The following SCUBE2 variants were observed in gnomAD, a reference collection of about 807,000 sequenced individuals.
SCUBE2 encodes signal peptide, CUB and EGF-like domain-containing protein 2.
A neutral mutation model predicts 125.9 loss-of-function variants in SCUBE2; 114 were observed. The observed-to-expected ratio is 0.91, with a 90% CI of 0.78 to 1.06. SCUBE2 has a LOEUF of 1.06. SCUBE2 is among the 50% of genes least tolerant of loss of function. The pLI, the probability that SCUBE2 is intolerant of heterozygous loss-of-function variation, is 0.00. For synonymous variants in SCUBE2, 459 were observed against 492.9 expected, an observed-to-expected ratio of 0.93 and a Z score of 0.91; for missense variants, 1,255 against 1,301.8, an observed-to-expected ratio of 0.96 and a Z score of 0.55.
In SCUBE2 at chr11:9,027,395, G is replaced by A; in HGVS notation, c.2670C>T (p.Asp890=). 1.2e-6 allele frequency: 2 copies of A among 1,614,042 alleles called. No homozygotes were observed. The highest frequency in any genetic ancestry group is 1.7e-6 in the Non-Finnish European group (2 of 1,179,996). The change falls in exon 20 of 23, where the codon GAC becomes GAT. Residue 890 remains aspartate, a synonymous_variant. Transcript: ENST00000649792. ...VPEIFLPIED[D]CGDYLVMRKT... ...TCCGCATCACCAGATAGTCCCCACA[G>A]TCGTCCTCTATGGGCAGGAAGATCT...
chr11:9,066,581 T>C, intron 6 of SCUBE2, 116 bp downstream of exon 6: 4 of 837,888 alleles, frequency 4.8e-6, no homozygotes, highest in South Asian at 1.5e-5. Flanking sequence ...CAGGGCCTGC[T>C]GGGGGGGCAA....
intron 16 of SCUBE2, among the ~76,000 whole-genome samples, 162 bp downstream of exon 16, chr11:9,047,194 G>A (rs187182428): frequency 1.2e-4 from 18 of 152,268 alleles, no homozygotes; most frequent in African/African-American, 3.9e-4. Context: ...TAGCAGGGAC[G>A]ACAGACACAA....
chr11:9,031,475 A>T (rs557513964), intron 17 of SCUBE2, among the ~76,000 whole-genome samples: 1 of 152,206 alleles, frequency 6.6e-6, no homozygotes, highest in Non-Finnish European at 1.5e-5. Flanking sequence ...AAAAAAATTT[A>T]AAAATTAGCC....
chr11:9,081,829 C>T lies in SCUBE2; in HGVS notation c.257-2320G>A, dbSNP rs142385340. On this transcript the variant is annotated intron_variant, in intron 2 of 22. Transcript: ENST00000649792. ...TATCTCCTCCAGACCCTGCTTTCCA[C>T]TCTTTTGGGTATACACCCAGAAGTG... Among the ~76,000 whole-genome samples, 18 of 152,370 alleles carry T rather than the reference C, an allele frequency of 1.2e-4. No homozygotes were observed. The East Asian group carries it at 3.3e-3, about 28-fold the overall frequency.
chr11:9,079,771 T>TAAAAAAA (rs1564848533), intron 2 of SCUBE2, among the ~76,000 whole-genome samples: 1 of 151,828 alleles, frequency 6.6e-6, no homozygotes. Context: ...GCAGCTATTT[T>TAAAAAAA]AAAAAAAAGA....
intron 16 of SCUBE2, among the ~76,000 whole-genome samples, chr11:9,041,652 G>C (rs1301546654): frequency 6.6e-6 from 1 of 152,160 alleles, no homozygotes; most frequent in Non-Finnish European, 1.5e-5. Context: ...TGTTTCTGTG[G>C]AGAGGTTAGG....
intron 21 of SCUBE2, chr11:9,024,167 T>A (rs571976617): frequency 1.1e-4 from 113 of 1,056,282 alleles, no homozygotes; most frequent in African/African-American, 2.0e-4. Context: ...TTTTTCATTT[T>A]AAAAAAAATC....
Position 9,053,666 on chromosome 11 carries a change from T to C in SCUBE2, c.1301A>G (p.Lys434Arg). The C allele has an allele frequency of 1.2e-6, 2 of 1,614,168 alleles. No individual in the cohort carries two copies. The highest frequency in any genetic ancestry group is 1.7e-6 in the Non-Finnish European group (2 of 1,180,002). Residue 434 changes from lysine to arginine, a missense_variant, in exon 11 of 23, where the codon AAG (lysine) becomes AGG (arginine). Transcript: ENST00000649792. ...ACAGTCTTTTTTATTCCAGTGGAGCTTGTACCCAGGGTGGCACTGGCATTC... is the reference window on the plus strand; with the variant it reads ...ACAGTCTTTTTTATTCCAGTGGAGCCTGTACCCAGGGTGGCACTGGCATTC... Reference protein sequence around the residue: ...SYECQCHPGYKLHWNKKDCVE... With the variant: ...SYECQCHPGYRLHWNKKDCVE...
intron 5 of SCUBE2, among the ~76,000 whole-genome samples, chr11:9,068,461 T>G (rs1162927700): frequency 6.6e-6 from 1 of 151,854 alleles, no homozygotes; most frequent in Non-Finnish European, 1.5e-5. Context: ...AGAGGAAAAA[T>G]GAGGCAAGGT....
rs752577423 is a variant in SCUBE2, at chr11:9,050,631, G to A, written c.1614C>T (p.Pro538=). Residue 538 remains proline, a synonymous_variant, in exon 14 of 23, where the codon CCC becomes CCT. Coordinates refer to ENST00000649792, the MANE Select transcript of SCUBE2 (RefSeq NM_001367977.2). The part of the protein sequence containing the change: ...KCSLKNAELF[P]EGLRPALPEK... ...CTGGTAGTGCTGGTCGCAGACCCTC[G>A]GGAAACAGCTCAGCATTTTTCAAAC... 25 of 1,613,900 alleles carry A rather than the reference G, an allele frequency of 1.5e-5. No individual in the cohort carries two copies. The Admixed American group carries it at 2.5e-4, about 16-fold the overall frequency.
chr11:9,049,356 G>A (rs770264662), intron 14 of SCUBE2, among the ~76,000 whole-genome samples: 17 of 152,226 alleles, frequency 1.1e-4, no homozygotes, highest in African/African-American at 3.4e-4. Context: ...TGATCCGCCC[G>A]CCTTGGCCTC....
At chr11:9,074,272 C>T (rs918781723) in intron 4 of SCUBE2, among the ~76,000 whole-genome samples, 1 of 152,136 alleles carries the variant, frequency 6.6e-6, no homozygotes, top group African/African-American at 2.4e-5. Context: ...CAGAGCTCAC[C>T]CAGTCCAGTG....
At position 9,036,023 on chromosome 11, in the gene SCUBE2, G is replaced by T. The variant is rs985966612; in HGVS notation, c.2003-2227C>A. ...CCCACCCCAGCTTCCCAAGTAGCTG[G>T]GATTACAGGCAAGCACCACCATGCC... On this transcript the variant is annotated intron_variant, in intron 16 of 22. Coordinates refer to ENST00000649792, the MANE Select transcript of SCUBE2 (RefSeq NM_001367977.2). Among the ~76,000 whole-genome samples the T allele has an allele frequency of 2.0e-5, 3 of 152,022 alleles. No homozygotes were observed. In the East Asian group the frequency reaches 5.8e-4, roughly 29 times the overall value.
At chr11:9,023,015 A>G (rs1277044937) in intron 21 of SCUBE2, among the ~76,000 whole-genome samples, 4 of 152,148 alleles carry the variant, frequency 2.6e-5, no homozygotes, top group Non-Finnish European at 4.4e-5. Context: ...TTCTCTCATT[A>G]ATATTTTTTG....
intron 2 of SCUBE2, among the ~76,000 whole-genome samples, chr11:9,088,461 A>G (rs1498432): frequency 0.74 from 112,461 of 152,222 alleles, 42,607 homozygotes; most frequent in Non-Finnish European, 0.82. Context: ...AGATCGCGCC[A>G]TTGCACTCCA....
chr11:9,057,433 C>T (rs1859189290), intron 9 of SCUBE2: 1 of 151,896 alleles, frequency 6.6e-6, no homozygotes, highest in Non-Finnish European at 1.5e-5. Flanking sequence ...ACAAACATCA[C>T]ACCATAATAT....
At chr11:9,053,555 G>A (rs1858660747) in intron 11 of SCUBE2, 82 bp downstream of exon 11, 4 of 1,517,976 alleles carry the variant, frequency 2.6e-6, no homozygotes, top group South Asian at 1.2e-5. Flanking sequence ...CGGTCAGGTG[G>A]GATGTGGGAG....
chr11:9,059,898 G>A (rs559658813), intron 8 of SCUBE2, among the ~76,000 whole-genome samples: 1 of 152,274 alleles, frequency 6.6e-6, no homozygotes, highest in African/African-American at 2.4e-5. Flanking sequence ...AGTTTCGTCT[G>A]GCAATTGGTT....
intron 16 of SCUBE2, among the ~76,000 whole-genome samples, chr11:9,038,161 T>C (rs970137079): frequency 2.6e-5 from 4 of 152,112 alleles, no homozygotes; most frequent in Non-Finnish European, 4.4e-5. Context: ...CTCAGGGCAG[T>C]AAATAAATGA....
Sources: allele counts gnomAD v4.1 joint callset (sites outside exome capture counted in the v4.1 genomes callset), GRCh38; gene constraint gnomAD v4.1.1; transcripts MANE v1.5; gene names NCBI Gene and HGNC (gene_info 2026-07-23, HGNC 2026-07-21).